NELL2: variants seen among roughly 807,000 people sequenced by gnomAD.
NELL2 encodes protein kinase C-binding protein NELL2.
A neutral mutation model predicts 109.6 loss-of-function variants in NELL2; 41 were observed. That is an observed-to-expected ratio of 0.37 (90% CI 0.29 to 0.49). NELL2 has a LOEUF of 0.49. Ranked by LOEUF, NELL2 falls within the 20% of genes least tolerant of loss-of-function variation. The probability of loss-of-function intolerance (pLI) is 0.98; values close to 1 mark genes in which losing one functional copy is unlikely to be tolerated. For missense variants in NELL2, 900 were observed against 1,008.3 expected (o/e 0.89, Z 1.45); for synonymous variants, 355 against 344.7 (o/e 1.03, Z -0.33).
chr12:44,876,511 C>G, upstream of NELL2: 1 of 1,397,184 alleles, frequency 7.2e-7, no homozygotes, highest in Non-Finnish European at 9.4e-7. Flanking sequence ...GCTCTTCTCC[C>G]TCCCTCTCTC....
At chr12:44,840,489 T>C (rs948994567) in intron 2 of NELL2, among the ~76,000 whole-genome samples, 1 of 152,092 alleles carries the variant, frequency 6.6e-6, no homozygotes, top group Non-Finnish European at 1.5e-5. Flanking sequence ...TACAAAAAAT[T>C]AGCCAGGCGT....
chr12:44,734,379 A>C (rs1024699086), intron 9 of NELL2, among the ~76,000 whole-genome samples: 4 of 151,944 alleles, frequency 2.6e-5, no homozygotes, highest in African/African-American at 9.7e-5. Context: ...TCTTTTAAAC[A>C]GTTTAGAGCT....
chr12:44,824,122 A>G (rs922591231), intron 2 of NELL2, among the ~76,000 whole-genome samples: 2 of 152,256 alleles, frequency 1.3e-5, no homozygotes. Flanking sequence ...TTTCTTATAT[A>G]TTTTGGATAT....
At chr12:44,583,465 TGG>T (rs1404392044) in intron 15 of NELL2, among the ~76,000 whole-genome samples, 1 of 152,224 alleles carries the variant, frequency 6.6e-6, no homozygotes, top group African/African-American at 2.4e-5. Flanking sequence ...TACTATTTCT[TGG>T]GGTTTAGATA....
At chr12:44,903,823 G>T (rs1330535606) in intron 1 of NELL2, among the ~76,000 whole-genome samples, 1 of 151,076 alleles carries the variant, frequency 6.6e-6, no homozygotes, top group Non-Finnish European at 1.5e-5. Context: ...TCACTCATAA[G>T]TGGGATTTGA....
At chr12:44,882,623 G>A (rs1347207370) in intron 1 of NELL2, among the ~76,000 whole-genome samples, 1 of 151,564 alleles carries the variant, frequency 6.6e-6, no homozygotes, top group Admixed American at 6.6e-5. Flanking sequence ...CACCTCCCGA[G>A]TTCGAGCAAT....
intron 3 of NELL2, among the ~76,000 whole-genome samples, chr12:44,811,499 C>A (rs78960346): frequency 6.6e-6 from 1 of 151,818 alleles, no homozygotes; most frequent in African/African-American, 2.4e-5. Flanking sequence ...TTCTGAAGTA[C>A]GTGCCGGATT....
intron 1 of NELL2, among the ~76,000 whole-genome samples, chr12:44,908,971 G>A (rs575082078): frequency 1.3e-5 from 2 of 151,778 alleles, no homozygotes; most frequent in Non-Finnish European, 2.9e-5. Context: ...AAAAATACCT[G>A]TCACAGAACA....
At chr12:44,625,199 T>G (rs767169724) in intron 13 of NELL2, among the ~76,000 whole-genome samples, 3 of 151,974 alleles carry the variant, frequency 2.0e-5, no homozygotes, top group Non-Finnish European at 4.4e-5. Flanking sequence ...CTGCTGTGCA[T>G]TCCTTTATCA....
Position 44,776,113 on chromosome 12 carries a change from T to A in NELL2, c.800A>T (p.Gln267Leu). Residue 267 changes from glutamine (Q) to leucine (L), a missense_variant, in exon 8 of 20, where the codon CAG (glutamine) becomes CTG (leucine). Transcript: ENST00000429094. ...RAEQRMNRLD[Q>L]CYCERTCTMK... ...GGTGCAAGTCCTTTCACAATAGCAC[T>A]GATCCAATCTATTCATTCGCTGTTC... The A allele has an allele frequency of 6.2e-7, 1 of 1,614,070 alleles. No homozygotes were observed. Among genetic ancestry groups the A allele is most frequent in the Non-Finnish European group, 8.5e-7 (1 of 1,179,962 alleles).
chr12:44,647,216 A>C (rs901306065), intron 13 of NELL2, among the ~76,000 whole-genome samples: 1 of 152,172 alleles, frequency 6.6e-6, no homozygotes, highest in Non-Finnish European at 1.5e-5. Flanking sequence ...AAGAACACGA[A>C]TTTGAGGATG....
chr12:44,667,489 T>C (rs1285958930), intron 12 of NELL2, among the ~76,000 whole-genome samples: 7 of 152,236 alleles, frequency 4.6e-5, no homozygotes, highest in Admixed American at 4.6e-4. Context: ...CAAAAATGGA[T>C]GGTGAGCCAG....
intron 2 of NELL2, among the ~76,000 whole-genome samples, chr12:44,860,328 C>T (rs182034997): frequency 2.0e-5 from 3 of 152,144 alleles, no homozygotes; most frequent in African/African-American, 7.2e-5. Flanking sequence ...AAATAAATAA[C>T]TGCTAATGTT....
intron 15 of NELL2, among the ~76,000 whole-genome samples, chr12:44,584,657 C>T (rs942189208): frequency 2.0e-5 from 3 of 152,188 alleles, no homozygotes; most frequent in Non-Finnish European, 4.4e-5. Flanking sequence ...GGTTTCTTTT[C>T]TAATTATCTC....
intron 15 of NELL2, among the ~76,000 whole-genome samples, chr12:44,547,110 A>G (rs976092167): frequency 2.0e-5 from 3 of 152,168 alleles, no homozygotes; most frequent in African/African-American, 7.2e-5. Context: ...AGCTACTTAT[A>G]GTTTTCTGTG....
At chr12:44,921,365 T>C (rs1945866796) in intron 1 of NELL2, among the ~76,000 whole-genome samples, 1 of 152,156 alleles carries the variant, frequency 6.6e-6, no homozygotes, top group Admixed American at 6.5e-5. Context: ...GTGGCCAGGC[T>C]CTCAGACGCT....
At chr12:44,909,322 C>G (rs1269627761) in intron 1 of NELL2, among the ~76,000 whole-genome samples, 2 of 151,686 alleles carry the variant, frequency 1.3e-5, no homozygotes, top group African/African-American at 4.8e-5. Context: ...AACACAATCC[C>G]ATTTACAATA....
intron 13 of NELL2, among the ~76,000 whole-genome samples, chr12:44,618,779 A>T (rs548636897): frequency 3.5e-4 from 53 of 152,338 alleles, no homozygotes; most frequent in African/African-American, 1.0e-3. Flanking sequence ...AAAGAAAACA[A>T]TAACAGTAAC....
chr12:44,701,941 C>G (rs75374482), intron 12 of NELL2, among the ~76,000 whole-genome samples: 9,439 of 152,198 alleles, frequency 0.062, 970 homozygotes, highest in African/African-American at 0.21. Context: ...AATTCTCCAA[C>G]AGGATTTCCT....
Sources: allele counts gnomAD v4.1 joint callset (sites outside exome capture counted in the v4.1 genomes callset), GRCh38; gene constraint gnomAD v4.1.1; transcripts MANE v1.5; gene names NCBI Gene and HGNC (gene_info 2026-07-23, HGNC 2026-07-21).